Variants in MYMK observed in about 807,000 individuals in gnomAD.
MYMK encodes protein myomaker.
In MYMK, 16 loss-of-function variants were observed where a neutral mutation model predicts 22.4. The ratio of observed to expected loss-of-function variants is 0.72; its 90% CI spans 0.48 to 1.09. The LOEUF is 1.09. MYMK is among the 50% of genes least tolerant of loss of function. The pLI, the probability that MYMK is intolerant of heterozygous loss-of-function variation, is 0.00. For missense variants in MYMK, 250 were observed against 295.6 expected (o/e 0.85, Z 1.13); for synonymous variants, 125 against 127.0 (o/e 0.98, Z 0.11).
Position 133,515,477 on chromosome 9 carries a change from G to A in MYMK, c.516+14C>T, listed in dbSNP as rs117901318. ...GCTCTGGGGCACAGGACACCTCCCC[G>A]CTGGGCTTGGTACCTCAAAGAAGAA... is the stretch of plus-strand genomic sequence containing the variant. On this transcript the variant is annotated intron_variant, in intron 4 of 4. Coordinates refer to ENST00000339996, the MANE Select transcript of MYMK (RefSeq NM_001080483.3). This position sits in a 1 kb window ranked among gnomAD's most constrained non-coding sequence, Gnocchi z 5.8. The A allele has an allele frequency of 2.0e-3, 3,163 of 1,574,220 alleles. 92 individuals are homozygous for A. In the East Asian group the frequency reaches 0.056, roughly 28 times the overall value.
intron 4 of MYMK, 103 bp from the exon 5 acceptor site, chr9:133,514,888 G>T: frequency 7.6e-7 from 1 of 1,312,548 alleles, no homozygotes; most frequent in Non-Finnish European, 1.0e-6. Context: ...CTCTGCCAGG[G>T]CACTGGGACA....
Position 133,518,990 on chromosome 9 carries a change from T to C in MYMK, c.283A>G (p.Thr95Ala), listed in dbSNP as rs1362751442. Reference protein sequence around the residue: ...LADFDEPKRSTFVMFGVLTIA... With the variant: ...LADFDEPKRSAFVMFGVLTIA... Reference sequence around the variant, plus strand: ...GTCAGGACGCCGAACATCACAAATGTTGACCTCTTGGGTTCGTCGAAGTCG... The same window carrying C: ...GTCAGGACGCCGAACATCACAAATGCTGACCTCTTGGGTTCGTCGAAGTCG... The change falls in exon 3 of 5, where the codon ACA (threonine) becomes GCA (alanine). Residue 95 changes from threonine to alanine, a missense_variant. Transcript: ENST00000339996. 1 of 1,613,994 alleles carries C rather than the reference T, an allele frequency of 6.2e-7. No individual in the cohort carries two copies. Among genetic ancestry groups the C allele is most frequent in the African/African-American group, 1.3e-5 (1 of 75,038 alleles).
Position 133,514,671 on chromosome 9 carries a change from G to T in MYMK, c.631C>A (p.Leu211Met). 3 of 1,613,974 alleles carry T rather than the reference G, an allele frequency of 1.9e-6. No homozygotes were observed. Among genetic ancestry groups the T allele is most frequent in the Non-Finnish European group, 1.7e-6 (2 of 1,179,838 alleles). Residue 211 changes from leucine to methionine, a missense_variant, in exon 5 of 5, where the codon CTG becomes ATG. Transcript: ENST00000339996. ...GCACAGCACAGGGTGGAGCAGTCCA[G>T]CTTGGCCGGGGTCCCCGGGGATCCA... ...KAGSPGTPAK[L>M]DCSTLCCACV
intron 1 of MYMK, among the ~76,000 whole-genome samples, chr9:133,523,495 C>G (rs1256914284): frequency 1.3e-5 from 2 of 151,826 alleles, no homozygotes; most frequent in African/African-American, 4.8e-5. Context: ...AGGAAGGCTT[C>G]GGGAGAGCAA....
At chr9:133,519,413 C>T (rs990175764) in intron 2 of MYMK, among the ~76,000 whole-genome samples, 4 of 152,070 alleles carry the variant, frequency 2.6e-5, no homozygotes, top group Admixed American at 6.6e-5. Context: ...ACAAAAAATT[C>T]GGTGGGTGTC....
Position 133,523,093 on chromosome 9 carries a change from T to TGTCA in MYMK, c.135+1613_135+1616dup, listed in dbSNP as rs1172372226. Reference sequence around the variant, plus strand: ...AAGGACCCAGCCTGTCCCAGGCCACTGTCACCCCTGGGAGTGGCACACACT... The same window carrying TGTCA: ...AAGGACCCAGCCTGTCCCAGGCCACTGTCAGTCACCCCTGGGAGTGGCACACACT... On this transcript the variant is annotated intron_variant, in intron 1 of 4. Coordinates refer to ENST00000339996, the MANE Select transcript of MYMK (RefSeq NM_001080483.3). 2.0e-5 allele frequency among the ~76,000 whole-genome samples: 3 copies of TGTCA among 152,224 alleles called. No homozygotes were observed. In the South Asian group the frequency reaches 6.2e-4, roughly 32 times the overall value.
chr9:133,517,190 G>A (rs1284658596), intron 3 of MYMK, among the ~76,000 whole-genome samples: 2 of 152,148 alleles, frequency 1.3e-5, no homozygotes, highest in African/African-American at 4.8e-5. Context: ...GCGAGAGGCG[G>A]GTGGCCAGGA....
chr9:133,516,710 C>T (rs118093053), intron 3 of MYMK, among the ~76,000 whole-genome samples: 7 of 152,256 alleles, frequency 4.6e-5, no homozygotes, highest in Non-Finnish European at 7.4e-5. Context: ...ACCCTGGGTG[C>T]GGTGGTCAAG....
Position 133,524,815 on chromosome 9 carries a change from C to A in MYMK, c.30G>T (p.Leu10=). 2 of 1,613,002 alleles carry A rather than the reference C, an allele frequency of 1.2e-6. No homozygotes were observed. The highest frequency in any genetic ancestry group is 1.7e-6 in the Non-Finnish European group (2 of 1,179,504). Residue 10 remains leucine, a synonymous_variant, in exon 1 of 5, where the codon CTG becomes CTT. Coordinates refer to ENST00000339996, the MANE Select transcript of MYMK (RefSeq NM_001080483.3). MGTLVAKLL[L]PTLSSLAFLP... ...GGAAGGCCAGGCTGCTGAGGGTGGG[C>A]AGGAGCAGCTTGGCCACCAGCGTCC...
At position 133,515,866 on chromosome 9, in the gene MYMK, C is replaced by T. The variant is rs1363021428; in HGVS notation, c.400-259G>A. On this transcript the variant is annotated intron_variant, in intron 3 of 4. Coordinates refer to ENST00000339996, the MANE Select transcript of MYMK (RefSeq NM_001080483.3). This position sits in a 1 kb window ranked among gnomAD's most constrained non-coding sequence, Gnocchi z 5.8. ...TGGGCCATGTGCCCCACAAAGACCC[C>T]GCTGCCCTCCCGCCTCTTTGAGATG... is the stretch of plus-strand genomic sequence containing the variant. 6.6e-6 allele frequency among the ~76,000 whole-genome samples: 1 copy of T among 152,164 alleles called. No individual in the cohort carries two copies. The highest frequency in any genetic ancestry group is 1.5e-5 in the Non-Finnish European group (1 of 68,032).
chr9:133,514,966 G>C (rs1844614043), intron 4 of MYMK, among the ~76,000 whole-genome samples, 181 bp from the exon 5 acceptor site: 1 of 152,180 alleles, frequency 6.6e-6, no homozygotes, highest in South Asian at 2.1e-4. Flanking sequence ...CCAGAGCAGT[G>C]AGGGCCTGTG....
At chr9:133,523,918 G>C (rs555164697) in intron 1 of MYMK, among the ~76,000 whole-genome samples, 1 of 151,986 alleles carries the variant, frequency 6.6e-6, no homozygotes, top group Non-Finnish European at 1.5e-5. Flanking sequence ...AAACCAATAC[G>C]AGAAACACAG....
chr9:133,519,155 C>T, intron 2 of MYMK, 133 bp from the exon 3 acceptor site: 3 of 1,139,102 alleles, frequency 2.6e-6, no homozygotes, highest in Non-Finnish European at 3.7e-6. Context: ...CAGCGAGACC[C>T]TGAGGCCCAG....
At position 133,524,819 on chromosome 9, in the gene MYMK, A is replaced by T; in HGVS notation, c.26T>A (p.Leu9His). 6.2e-7 allele frequency: 1 copy of T among 1,612,664 alleles called. No individual in the cohort carries two copies. Among genetic ancestry groups the T allele is most frequent in the Non-Finnish European group, 8.5e-7 (1 of 1,179,376 alleles). ...GGCCAGGCTGCTGAGGGTGGGCAGG[A>T]GCAGCTTGGCCACCAGCGTCCCCAT... MGTLVAKLLLPTLSSLAFL... is the reference protein window; with the variant it reads MGTLVAKLHLPTLSSLAFL... The change falls in exon 1 of 5, where the codon CTC becomes CAC. Residue 9 changes from leucine to histidine, a missense_variant. Physicochemically the swap from Leu to His is moderately conservative, Grantham distance 99 (BLOSUM62 -3). Coordinates refer to ENST00000339996, the MANE Select transcript of MYMK (RefSeq NM_001080483.3).
chr9:133,524,202 C>T (rs1490610465), intron 1 of MYMK, among the ~76,000 whole-genome samples: 5 of 152,062 alleles, frequency 3.3e-5, no homozygotes, highest in South Asian at 2.1e-4. Context: ...CCAGCAGGCC[C>T]TCCTGAACCA....
At position 133,523,700 on chromosome 9, in the gene MYMK, AGAG is replaced by A. The variant is rs1564486026; in HGVS notation, c.135+1007_135+1009del. On this transcript the variant is annotated intron_variant, in intron 1 of 4. Coordinates refer to ENST00000339996, the MANE Select transcript of MYMK (RefSeq NM_001080483.3). ...GATAGATGGAGAGAGAGAGAGAGAG[AGAG>A]AGAGAGAGAGAGAGAGACAAGCTGG... is the stretch of plus-strand genomic sequence containing the variant. 9.6e-4 allele frequency among the ~76,000 whole-genome samples: 119 copies of A among 124,468 alleles called. 1 individual carries two copies. Among genetic ancestry groups the A allele is most frequent in the African/African-American group, 3.1e-3 (112 of 35,900 alleles). 81.7% of individuals were successfully genotyped at this position (124,468 alleles called of 152,430 possible). A position where few individuals can be genotyped will look rare whatever the true frequency, so the allele number is the denominator to read the frequency against.
intron 2 of MYMK, among the ~76,000 whole-genome samples, chr9:133,519,930 C>G (rs1408320955): frequency 6.6e-6 from 1 of 152,200 alleles, no homozygotes; most frequent in African/African-American, 2.4e-5. Flanking sequence ...TGTGTCACAA[C>G]AAGCTTTTAC....
intron 1 of MYMK, among the ~76,000 whole-genome samples, chr9:133,523,948 G>C (rs1844733341): frequency 1.3e-5 from 2 of 151,900 alleles, no homozygotes; most frequent in African/African-American, 4.8e-5. Context: ...GACCCAGAAA[G>C]AGAGAGAGAG....
rs1245163401 is a variant in MYMK at position 133,523,698 on chromosome 9, AG to A, written c.135+1011del. Among the ~76,000 whole-genome samples, 119 of 138,890 alleles carry A rather than the reference AG, an allele frequency of 8.6e-4. 1 individual carries two copies. Among genetic ancestry groups the A allele is most frequent in the African/African-American group, 2.9e-3 (112 of 38,976 alleles). The allele number at this position is 138,890 out of a possible 152,430, so 91.1% of individuals were successfully genotyped here. On this transcript the variant is annotated intron_variant, in intron 1 of 4. Transcript: ENST00000339996. ...GAGATAGATGGAGAGAGAGAGAGAG[AG>A]AGAGAGAGAGAGAGAGAGAGACAAG...
Sources: gnomAD v4.1 joint callset for allele counts (sites outside exome capture counted in the v4.1 genomes callset) on GRCh38, gnomAD v4.1.1 for gene constraint, Gnocchi (gnomAD v3.1) non-coding constraint, MANE v1.5 for transcripts, NCBI Gene and HGNC (gene_info 2026-07-23, HGNC 2026-07-21) for gene names.